Variants in RYR2 observed in about 807,000 individuals in gnomAD.
The protein encoded by RYR2 is ryanodine receptor 2.
A neutral mutation model predicts 601.1 loss-of-function variants in RYR2; 227 were observed. The ratio of observed to expected loss-of-function variants is 0.38; its 90% CI spans 0.34 to 0.42. RYR2 has a LOEUF of 0.42. Among genes scored for constraint, RYR2 ranks in the 10% least tolerant of loss-of-function variants. The pLI is 1.00. For missense variants in RYR2, 4,646 were observed against 6,156.5 expected (o/e 0.75, Z 8.21); for synonymous variants, 2,223 against 2,175.1 (o/e 1.02, Z -0.61).
chr1:237,566,858 T>A, intron 28 of RYR2, 83 bp downstream of exon 28: 1 of 1,366,740 alleles, frequency 7.3e-7, no homozygotes, highest in Non-Finnish European at 1.0e-6. Flanking sequence ...AGCTTCACAG[T>A]ACCAGTGTTT....
chr1:237,650,143 G>A (rs1682581512), intron 50 of RYR2, 46 bp downstream of exon 50: 1 of 1,525,294 alleles, frequency 6.6e-7, no homozygotes. Context: ...TTAAAAAACA[G>A]AATTTACAAT....
At chr1:237,232,860 C>A (rs983175355) in intron 1 of RYR2, among the ~76,000 whole-genome samples, 1 of 152,052 alleles carries the variant, frequency 6.6e-6, no homozygotes, top group Non-Finnish European at 1.5e-5. Flanking sequence ...CAGAAGTCTT[C>A]TGTGTTAATG....
intron 80 of RYR2, among the ~76,000 whole-genome samples, chr1:237,751,174 G>C (rs900297191): frequency 6.6e-6 from 1 of 152,090 alleles, no homozygotes; most frequent in Non-Finnish European, 1.5e-5. Context: ...TTTTCTTCTT[G>C]TTCTTATTCT....
intron 1 of RYR2, among the ~76,000 whole-genome samples, chr1:237,057,853 A>G (rs1662367089): frequency 6.6e-6 from 1 of 152,204 alleles, no homozygotes; most frequent in African/African-American, 2.4e-5. Flanking sequence ...CTCTCTTTGC[A>G]GATACCTAAT....
At chr1:237,497,687 T>C (rs1268057365) in intron 20 of RYR2, among the ~76,000 whole-genome samples, 1 of 152,176 alleles carries the variant, frequency 6.6e-6, no homozygotes, top group Non-Finnish European at 1.5e-5. Flanking sequence ...CTAAAACTTA[T>C]GAAAAATAAG....
At position 237,180,569 on chromosome 1, in the gene RYR2, T is replaced by C. The variant is rs529031325; in HGVS notation, c.49-89928T>C. Among the ~76,000 whole-genome samples, 1 of 149,630 alleles carries C rather than the reference T, an allele frequency of 6.7e-6. No homozygotes were observed. The highest frequency in any genetic ancestry group is 1.5e-5 in the Non-Finnish European group (1 of 67,526). On this transcript the variant is annotated intron_variant, in intron 1 of 104. Coordinates refer to ENST00000366574, the MANE Select transcript of RYR2 (RefSeq NM_001035.3). This position sits in a 1 kb window ranked among gnomAD's most constrained non-coding sequence, Gnocchi z 5.3. ...ATTGAAAAAAACCCAAATATATATA[T>C]GTGTGTGTGTGTATATATGTATATA...
chr1:237,606,341 G>C (rs1677120648), intron 35 of RYR2, among the ~76,000 whole-genome samples: 1 of 152,148 alleles, frequency 6.6e-6, no homozygotes, highest in African/African-American at 2.4e-5. Context: ...TTAATAAATG[G>C]TGCTGGGAAA....
intron 50 of RYR2, among the ~76,000 whole-genome samples, 167 bp downstream of exon 50, chr1:237,650,264 G>T (rs1469731695): frequency 6.6e-6 from 1 of 152,122 alleles, no homozygotes; most frequent in Non-Finnish European, 1.5e-5. Flanking sequence ...GATCGCCCTT[G>T]CTCCCAGTCA....
At chr1:237,574,330 G>A (rs923588258) in intron 29 of RYR2, among the ~76,000 whole-genome samples, 17 of 152,166 alleles carry the variant, frequency 1.1e-4, no homozygotes, top group African/African-American at 3.9e-4. Flanking sequence ...CAGGATTGGG[G>A]AAGCCCAGGG....
At chr1:237,279,344 A>G (rs1435756682) in intron 2 of RYR2, among the ~76,000 whole-genome samples, 1 of 152,196 alleles carries the variant, frequency 6.6e-6, no homozygotes, top group East Asian at 1.9e-4. Context: ...GCTGAGTCTC[A>G]CCTTGTTCAG....
At chr1:237,617,657 G>C (rs1333495809) in intron 38 of RYR2, among the ~76,000 whole-genome samples, 171 bp downstream of exon 38, 2 of 152,160 alleles carry the variant, frequency 1.3e-5, no homozygotes, top group African/African-American at 4.8e-5. Flanking sequence ...TCTTTGGTTA[G>C]TTTACACAAA....
intron 27 of RYR2, among the ~76,000 whole-genome samples, chr1:237,561,369 G>A (rs1004817160): frequency 1.3e-5 from 2 of 152,136 alleles, no homozygotes; most frequent in Non-Finnish European, 2.9e-5. Context: ...TAAGAAGAAA[G>A]ATTAATTTTC....
Position 237,127,981 on chromosome 1 carries a change from G to A in RYR2, c.48+85412G>A, listed in dbSNP as rs528923732. Reference sequence around the variant, plus strand: ...AGATGCTCCTCACTTCCCAGATGGGGTGGCGGCCGGGCAGAGGCTGCAATC... The same window carrying A: ...AGATGCTCCTCACTTCCCAGATGGGATGGCGGCCGGGCAGAGGCTGCAATC... On this transcript the variant is annotated intron_variant, in intron 1 of 104. Transcript: ENST00000366574. Among the ~76,000 whole-genome samples, 707 of 152,232 alleles carry A rather than the reference G, an allele frequency of 4.6e-3. 2 individuals carry two copies. The highest frequency in any genetic ancestry group is 0.016 in the African/African-American group (666 of 41,544).
chr1:237,603,703 T>C (rs994424619), intron 35 of RYR2, among the ~76,000 whole-genome samples: 2 of 152,122 alleles, frequency 1.3e-5, no homozygotes, highest in African/African-American at 4.8e-5. Context: ...GAGACACACA[T>C]ATGCTCAAAA....
At chr1:237,804,874 G>A (rs931523992) in intron 98 of RYR2, among the ~76,000 whole-genome samples, 5 of 152,172 alleles carry the variant, frequency 3.3e-5, no homozygotes, top group African/African-American at 9.7e-5. Context: ...GAGAGAAAGC[G>A]ACTGGTTCTT....
chr1:237,524,829 T>C (rs950167803), intron 24 of RYR2, among the ~76,000 whole-genome samples: 1 of 152,160 alleles, frequency 6.6e-6, no homozygotes, highest in Non-Finnish European at 1.5e-5. Flanking sequence ...GTCTCTTTTT[T>C]CTGTTGAGAC....
At chr1:237,600,790 A>G (rs534421090) in intron 34 of RYR2, among the ~76,000 whole-genome samples, 1 of 152,346 alleles carries the variant, frequency 6.6e-6, no homozygotes, top group Non-Finnish European at 1.5e-5. Flanking sequence ...AAAGACCTTA[A>G]TAAACATTTC....
intron 1 of RYR2, among the ~76,000 whole-genome samples, chr1:237,216,073 A>C (rs1010973963): frequency 2.0e-5 from 3 of 152,196 alleles, no homozygotes; most frequent in African/African-American, 7.2e-5. Context: ...AACTAAGGAA[A>C]TAATGCATTA....
chr1:237,631,361 A>T, intron 41 of RYR2, 66 bp from the exon 42 acceptor site: 1 of 940,734 alleles, frequency 1.1e-6, no homozygotes, highest in Non-Finnish European at 1.7e-6. Context: ...AAGATTTATG[A>T]GGAACTTGGT....
Sources: allele counts gnomAD v4.1 joint callset (sites outside exome capture counted in the v4.1 genomes callset), GRCh38; gene constraint gnomAD v4.1.1; non-coding constraint Gnocchi (gnomAD v3.1); transcripts MANE v1.5; gene names NCBI Gene and HGNC (gene_info 2026-07-23, HGNC 2026-07-21).